Variants in RASA3 observed in about 807,000 individuals in gnomAD.
The protein encoded by RASA3 is RAS p21 protein activator 3, also known as ras GTPase-activating protein 3.
RASA3 carries 73 observed loss-of-function variants against 110.0 expected under a neutral mutation model. The observed-to-expected ratio is 0.66, with a 90% confidence interval of 0.55 to 0.81. RASA3 has a LOEUF of 0.81. RASA3 is among the 30% of genes least tolerant of loss of function. The pLI is 0.00. For synonymous variants in RASA3, 500 were observed against 451.4 expected (o/e 1.11, Z -1.37); for missense variants, 976 against 1,113.2 (o/e 0.88, Z 1.75).
intron 13 of RASA3, 127 bp from the exon 14 acceptor site, chr13:114,015,459 G>A (rs2053769267): frequency 1.7e-6 from 2 of 1,189,886 alleles, no homozygotes; most frequent in African/African-American, 3.1e-5. Flanking sequence ...CTGCGGCAGT[G>A]AGACACGTGT....
chr13:113,999,663 G>A lies in RASA3; in HGVS notation c.1854C>T (p.Asp618=), dbSNP rs770818134. ...HEFTYHKSKG[D]QPLYSIPIEN... ...CGATGGGAATGCTGTAGAGAGGCTGGTCCCCTGCAGCAGAGATGGACTGTC... is the reference window on the plus strand; with the variant it reads ...CGATGGGAATGCTGTAGAGAGGCTGATCCCCTGCAGCAGAGATGGACTGTC... Residue 618 remains aspartate (D), a synonymous_variant, in exon 20 of 24, where the codon GAC becomes GAT. Coordinates refer to ENST00000334062, the MANE Select transcript of RASA3 (RefSeq NM_007368.4). 3 of 1,612,556 alleles carry A rather than the reference G, an allele frequency of 1.9e-6. No homozygotes were observed. Among genetic ancestry groups the A allele is most frequent in the African/African-American group, 1.3e-5 (1 of 74,486 alleles).
intron 4 of RASA3, among the ~76,000 whole-genome samples, chr13:114,033,311 C>G: frequency 1.1e-5 from 1 of 94,236 alleles, no homozygotes; most frequent in African/African-American, 4.6e-5. Flanking sequence ...GGCACCCCCA[C>G]ACTTGATACC....
chr13:114,032,184 C>A (rs2054182243), intron 4 of RASA3, among the ~76,000 whole-genome samples: 1 of 152,154 alleles, frequency 6.6e-6, no homozygotes, highest in African/African-American at 2.4e-5. Context: ...TCTACCAACA[C>A]AGACCACAAA....
At chr13:114,107,703 T>A (rs1160622357) in intron 1 of RASA3, 1 of 152,298 alleles carries the variant, frequency 6.6e-6, no homozygotes, top group African/African-American at 2.4e-5. Context: ...ACATGCCCAG[T>A]CCTCTCAGGA....
chr13:113,983,439 T>C (rs2052980862), intron 22 of RASA3, among the ~76,000 whole-genome samples: 1 of 124,666 alleles, frequency 8.0e-6, no homozygotes, highest in African/African-American at 2.7e-5. Context: ...GCTTGGTTCC[T>C]CCTGACCGCT....
At chr13:113,980,127 CTGTG>C (rs1240783678) in intron 23 of RASA3, among the ~76,000 whole-genome samples, 42 of 146,022 alleles carry the variant, frequency 2.9e-4, no homozygotes, top group Admixed American at 9.5e-4. Flanking sequence ...TGCACCTCCT[CTGTG>C]TGTACCTCCT....
intron 9 of RASA3, among the ~76,000 whole-genome samples, chr13:114,019,678 G>A (rs975608145): frequency 1.3e-5 from 2 of 150,562 alleles, no homozygotes; most frequent in Admixed American, 6.6e-5. Context: ...CCCCTCAGAT[G>A]GATAGAGCCT....
chr13:114,010,824 A>G (rs143995348), intron 16 of RASA3, among the ~76,000 whole-genome samples: 230 of 3,812 alleles, frequency 0.06, 5 homozygotes, highest in Middle Eastern at 0.071. Flanking sequence ...GGGCTGCGTG[A>G]CGAGGAGCCT....
chr13:114,034,455 C>T (rs550594130), intron 4 of RASA3, among the ~76,000 whole-genome samples: 1 of 152,330 alleles, frequency 6.6e-6, no homozygotes, highest in East Asian at 1.9e-4. Context: ...GGCTGTGCGG[C>T]CCCCGTGTGC....
intron 2 of RASA3, among the ~76,000 whole-genome samples, chr13:114,063,304 A>G (rs550179692): frequency 6.6e-6 from 1 of 151,136 alleles, no homozygotes; most frequent in Non-Finnish European, 1.5e-5. Context: ...AAAATATATA[A>G]ATGTTATAGG....
Position 114,096,120 on chromosome 13 carries a change from G to A in RASA3, c.56-22283C>T, listed in dbSNP as rs554951862. ...GGCGGCATCGGTGTGCTGGGAAGGG[G>A]GTGCTCTCTGGGTGGCCTGGGTGGC... is the stretch of plus-strand genomic sequence containing the variant. On this transcript the variant is annotated intron_variant, in intron 1 of 23. Transcript: ENST00000334062. The surrounding 1 kb of genome is among the most constrained non-coding windows in gnomAD (Gnocchi z 5.1). 1.5e-4 allele frequency among the ~76,000 whole-genome samples: 23 copies of A among 151,064 alleles called. No homozygotes were observed. The highest frequency in any genetic ancestry group is 4.6e-4 in the Admixed American group (7 of 15,196).
rs570981459 is a variant in RASA3 at position 113,990,794 on chromosome 13, T to C, written c.2245+1691A>G. On this transcript the variant is annotated intron_variant, in intron 22 of 23. Transcript: ENST00000334062. Reference sequence around the variant, plus strand: ...CAACTGCACATGTGTGCAGGTATTGTTGCCTTGCCTGTCTGCACACACATG... The same window carrying C: ...CAACTGCACATGTGTGCAGGTATTGCTGCCTTGCCTGTCTGCACACACATG... 5.9e-5 allele frequency among the ~76,000 whole-genome samples: 9 copies of C among 152,362 alleles called. 1 individual carries two copies. In the South Asian group the frequency reaches 1.9e-3, roughly 32 times the overall value.
intron 2 of RASA3, among the ~76,000 whole-genome samples, chr13:114,069,694 G>A: frequency 2.3e-5 from 1 of 43,824 alleles, no homozygotes; most frequent in Admixed American, 2.0e-4. Flanking sequence ...TGGGGGGCCA[G>A]GAGACTCGGG....
At chr13:114,020,952 G>A (rs1441484779) in intron 9 of RASA3, among the ~76,000 whole-genome samples, 2 of 152,160 alleles carry the variant, frequency 1.3e-5, no homozygotes, top group Non-Finnish European at 2.9e-5. Flanking sequence ...CAGACCTCAC[G>A]AGCTGCTCGC....
chr13:114,123,880 A>G (rs2080412054), intron 1 of RASA3, among the ~76,000 whole-genome samples: 2 of 152,258 alleles, frequency 1.3e-5, no homozygotes, highest in African/African-American at 4.8e-5. Context: ...ATTTTATCCT[A>G]TGGGCAGTCA....
chr13:113,980,223 T>C (rs1305444076), intron 23 of RASA3, among the ~76,000 whole-genome samples: 1 of 80,490 alleles, frequency 1.2e-5, no homozygotes, highest in Non-Finnish European at 2.9e-5. Context: ...TGTGTGCACC[T>C]CCTGCTGTGT....
At chr13:114,132,359 G>A in intron 1 of RASA3, 76 bp downstream of exon 1, 3 of 1,384,780 alleles carry the variant, frequency 2.2e-6, no homozygotes, top group Non-Finnish European at 1.9e-6. Context: ...GCAAGGATCT[G>A]CGGAGGGGAG....
At chr13:114,092,911 C>G (rs1210448664) in intron 1 of RASA3, among the ~76,000 whole-genome samples, 1 of 152,006 alleles carries the variant, frequency 6.6e-6, no homozygotes, top group African/African-American at 2.4e-5. Flanking sequence ...TTTTGTAGCC[C>G]TCATAAGGCT....
chr13:114,055,269 G>A (rs377677871), intron 2 of RASA3, among the ~76,000 whole-genome samples: 6 of 152,248 alleles, frequency 3.9e-5, no homozygotes, highest in East Asian at 3.8e-4. Context: ...GAGCACTTGG[G>A]TGCACATGTA....
Sources: gnomAD v4.1 joint callset for allele counts (sites outside exome capture counted in the v4.1 genomes callset) on GRCh38, gnomAD v4.1.1 for gene constraint, Gnocchi (gnomAD v3.1) non-coding constraint, MANE v1.5 for transcripts, NCBI Gene and HGNC (gene_info 2026-07-23, HGNC 2026-07-21) for gene names.